The following FAM227B variants were observed in gnomAD, a reference collection of about 807,000 sequenced individuals.
The protein encoded by FAM227B is protein FAM227B.
A neutral mutation model predicts 73.8 loss-of-function variants in FAM227B; 88 were observed. The observed-to-expected ratio is 1.19, with a 90% CI of 1.00 to 1.42. The LOEUF (loss-of-function observed/expected upper bound fraction) is 1.42. Ranked by LOEUF, FAM227B falls within the 40% of genes most tolerant of loss-of-function variation. The pLI is 0.00. For missense variants in FAM227B, 632 were observed against 590.9 expected, an observed-to-expected ratio of 1.07 and a Z score of -0.72; for synonymous variants, 210 against 190.5, an observed-to-expected ratio of 1.10 and a Z score of -0.84.
chr15:49,439,269 GA>G (rs2051398457), intron 11 of FAM227B, among the ~76,000 whole-genome samples: 1 of 151,298 alleles, frequency 6.6e-6, no homozygotes, highest in Non-Finnish European at 1.5e-5. Context: ...TGAGCAATGA[GA>G]GGGGTAGGAG....
At chr15:49,569,897 A>C (rs182012119) in intron 8 of FAM227B, among the ~76,000 whole-genome samples, 56 of 152,110 alleles carry the variant, frequency 3.7e-4, no homozygotes, top group Admixed American at 2.7e-3. Context: ...AGCCTGGCTT[A>C]TTCCACTTAG....
chr15:49,559,128 G>C (rs1241399886), intron 9 of FAM227B, among the ~76,000 whole-genome samples: 1 of 152,082 alleles, frequency 6.6e-6, no homozygotes, highest in Non-Finnish European at 1.5e-5. Flanking sequence ...TCTAAACTAG[G>C]AGTCATGAGC....
At chr15:49,377,710 A>G (rs1334604158) in intron 11 of FAM227B, among the ~76,000 whole-genome samples, 3 of 151,992 alleles carry the variant, frequency 2.0e-5, no homozygotes, top group Non-Finnish European at 4.4e-5. Flanking sequence ...AGATTATTCA[A>G]TTCTTTTCCC....
intron 4 of FAM227B, among the ~76,000 whole-genome samples, chr15:49,588,946 T>C (rs1291335687): frequency 6.6e-6 from 1 of 151,920 alleles, no homozygotes; most frequent in African/African-American, 2.4e-5. Flanking sequence ...ACATAATGAA[T>C]CTAATACCTA....
At chr15:49,416,216 G>A in intron 11 of FAM227B, among the ~76,000 whole-genome samples, 1 of 142,356 alleles carries the variant, frequency 7.0e-6, no homozygotes, top group East Asian at 2.1e-4. Context: ...TTAGGGCAGA[G>A]GTCACTTCCA....
chr15:49,589,158 T>C, intron 4 of FAM227B, among the ~76,000 whole-genome samples: 1 of 152,290 alleles, frequency 6.6e-6, no homozygotes, highest in East Asian at 1.9e-4. Context: ...GCTTTGTCAT[T>C]CATTCAGCTA....
intron 11 of FAM227B, among the ~76,000 whole-genome samples, chr15:49,481,059 CT>C (rs1208240788): frequency 6.6e-6 from 1 of 151,972 alleles, no homozygotes; most frequent in African/African-American, 2.4e-5. Flanking sequence ...CTCTTTTTAT[CT>C]AAAAGAAAAT....
At chr15:49,526,049 G>A (rs2060182130) in intron 10 of FAM227B, among the ~76,000 whole-genome samples, 1 of 151,806 alleles carries the variant, frequency 6.6e-6, no homozygotes, top group East Asian at 1.9e-4. Context: ...TAGACCAAAC[G>A]AACCTAATAG....
At chr15:49,432,127 C>T (rs1027513481) in intron 11 of FAM227B, among the ~76,000 whole-genome samples, 5 of 151,640 alleles carry the variant, frequency 3.3e-5, no homozygotes, top group African/African-American at 7.3e-5. Flanking sequence ...CCTCAAATAT[C>T]ACATTTGTTA....
chr15:49,611,483 G>C (rs1046696247), intron 2 of FAM227B, among the ~76,000 whole-genome samples: 1 of 151,952 alleles, frequency 6.6e-6, no homozygotes, highest in African/African-American at 2.4e-5. Context: ...TTTGTAATAG[G>C]CTTCCCTCTT....
At chr15:49,459,860 T>C (rs1277750065) in intron 11 of FAM227B, among the ~76,000 whole-genome samples, 3 of 152,160 alleles carry the variant, frequency 2.0e-5, no homozygotes, top group Admixed American at 6.6e-5. Flanking sequence ...TATCTTGACA[T>C]GGGCATAAAA....
At chr15:49,452,025 A>G (rs2052797529) in intron 11 of FAM227B, among the ~76,000 whole-genome samples, 1 of 152,082 alleles carries the variant, frequency 6.6e-6, no homozygotes, top group Non-Finnish European at 1.5e-5. Context: ...ATAGATTCAA[A>G]ATTTGATTCA....
chr15:49,523,280 G>A (rs1272386593), intron 10 of FAM227B, among the ~76,000 whole-genome samples: 3 of 152,104 alleles, frequency 2.0e-5, no homozygotes, highest in African/African-American at 7.2e-5. Context: ...GAGGGTTGCA[G>A]TGGGAAGTAA....
intron 10 of FAM227B, among the ~76,000 whole-genome samples, chr15:49,512,112 T>C (rs1038992510): frequency 1.4e-4 from 22 of 152,242 alleles, no homozygotes; most frequent in Admixed American, 8.5e-4. Flanking sequence ...GTTTGTTACA[T>C]AGTTACACAC....
chr15:49,541,807 C>A lies in FAM227B; in HGVS notation c.748-1G>T. 1 of 1,409,576 alleles carries A rather than the reference C, an allele frequency of 7.1e-7. No individual in the cohort carries two copies. The highest frequency in any genetic ancestry group is 9.3e-7 in the Non-Finnish European group (1 of 1,077,268). 87.3% of individuals were successfully genotyped at this position (1,409,576 alleles called of 1,614,324 possible). On this transcript the variant is annotated splice_acceptor_variant, in intron 9 of 15. Coordinates refer to ENST00000299338, the MANE Select transcript of FAM227B (RefSeq NM_152647.3). LOFTEE classifies it high-confidence loss of function. Reference sequence around the variant, plus strand: ...CTTGTGCCAAACAATCAGGATATATCTACCAAAATAAAATCAAATTAGATT... The same window carrying A: ...CTTGTGCCAAACAATCAGGATATATATACCAAAATAAAATCAAATTAGATT...
At chr15:49,505,948 G>A (rs1218213250) in intron 11 of FAM227B, among the ~76,000 whole-genome samples, 2 of 151,800 alleles carry the variant, frequency 1.3e-5, no homozygotes, top group African/African-American at 4.8e-5. Context: ...GAAAAGATAC[G>A]ATGTGAACCA....
At chr15:49,590,038 T>A in intron 3 of FAM227B, 31 bp from the exon 4 acceptor site, 1 of 1,100,952 alleles carries the variant, frequency 9.1e-7, no homozygotes, top group Non-Finnish European at 1.4e-6. Context: ...AGAATATAGC[T>A]TAAGTCATTT....
chr15:49,593,473 A>G (rs2076704684), intron 3 of FAM227B, among the ~76,000 whole-genome samples: 1 of 151,012 alleles, frequency 6.6e-6, no homozygotes, highest in African/African-American at 2.4e-5. Flanking sequence ...GTTTTGGGGG[A>G]ACAGGTGGTT....
intron 13 of FAM227B, among the ~76,000 whole-genome samples, chr15:49,338,788 C>A (rs1383288449): frequency 6.6e-6 from 1 of 152,172 alleles, no homozygotes; most frequent in Non-Finnish European, 1.5e-5. Context: ...TTGGTCTTTT[C>A]ACATAGTCCC....
Sources: allele counts gnomAD v4.1 joint callset (sites outside exome capture counted in the v4.1 genomes callset), GRCh38; gene constraint gnomAD v4.1.1; transcripts MANE v1.5; gene names NCBI Gene and HGNC (gene_info 2026-07-23, HGNC 2026-07-21).